SRP19: variants seen among roughly 807,000 people sequenced by gnomAD.
SRP19 encodes signal recognition particle 19.
A neutral mutation model predicts 22.4 loss-of-function variants in SRP19; 11 were observed. That is an observed-to-expected ratio of 0.49 (90% CI 0.31 to 0.81). The LOEUF is 0.81. SRP19 is among the 40% of genes least tolerant of loss of function. The pLI is 0.05. For synonymous variants in SRP19, 61 were observed against 57.6 expected (o/e 1.06, Z -0.27); for missense variants, 168 against 175.9 (o/e 0.96, Z 0.25).
At chr5:112,884,363 T>C (rs967457890) in intron 4 of SRP19, among the ~76,000 whole-genome samples, 1 of 151,982 alleles carries the variant, frequency 6.6e-6, no homozygotes, top group African/African-American at 2.4e-5. Flanking sequence ...TGATTCCCCA[T>C]GGTTCCTTCT....
At position 112,867,789 on chromosome 5, in the gene SRP19, A is replaced by G; in HGVS notation, c.*252A>G. ...GTTTTTTGGAAGAAAATATTTTTAA[A>G]TGGACAATGGACTGTACAATAAGTT... On this transcript the variant is annotated 3_prime_UTR_variant, in exon 5 of 5. Transcript: ENST00000505459. The G allele has an allele frequency of 8.4e-7, 1 of 1,185,112 alleles. No homozygotes were observed. Among genetic ancestry groups the G allele is most frequent in the Non-Finnish European group, 1.0e-6 (1 of 956,336 alleles). 73.4% of individuals were successfully genotyped at this position (1,185,112 alleles called of 1,614,324 possible).
At chr5:112,897,217 T>C (rs1768711549), downstream of SRP19, 1 of 152,142 alleles carries the variant, frequency 6.6e-6, no homozygotes, top group Non-Finnish European at 1.5e-5. Flanking sequence ...CATATATATA[T>C]ACACATACAC....
chr5:112,870,607 C>A (rs1332818067), downstream of SRP19, among the ~76,000 whole-genome samples: 1 of 152,084 alleles, frequency 6.6e-6, no homozygotes, highest in Non-Finnish European at 1.5e-5. Flanking sequence ...CTCCAAAATG[C>A]ATGTTGAAAT....
At chr5:112,891,942 TA>T (rs1164890679) in exon 5 of SRP19, 1 of 1,255,010 alleles carries the variant, frequency 8.0e-7, no homozygotes, top group Non-Finnish European at 1.2e-6. Flanking sequence ...AAGAGGCGGC[TA>T]AAAAATGGCT....
chr5:112,884,808 T>G (rs926302038), intron 4 of SRP19, among the ~76,000 whole-genome samples: 7 of 151,694 alleles, frequency 4.6e-5, no homozygotes, highest in Non-Finnish European at 7.4e-5. Flanking sequence ...CTTGCTTTAT[T>G]TTTTCCCTAT....
At position 112,867,368 on chromosome 5, in the gene SRP19, T is replaced by C. The variant is rs182551095; in HGVS notation, c.302-36T>C. The C allele has an allele frequency of 2.5e-5, 40 of 1,585,220 alleles. No homozygotes were observed. The East Asian group carries it at 7.4e-4, about 29-fold the overall frequency. Reference sequence around the variant, plus strand: ...TTGATGACTTTTTATGTCTTATTTCTCAGATTATACACTAAGCCTAACTTC... The same window carrying C: ...TTGATGACTTTTTATGTCTTATTTCCCAGATTATACACTAAGCCTAACTTC... On this transcript the variant is annotated intron_variant, in intron 4 of 4. Coordinates refer to ENST00000505459, the MANE Select transcript of SRP19 (RefSeq NM_003135.3).
At chr5:112,882,385 C>T (rs1007627648) in intron 4 of SRP19, among the ~76,000 whole-genome samples, 2 of 152,166 alleles carry the variant, frequency 1.3e-5, no homozygotes, top group Non-Finnish European at 2.9e-5. Context: ...CACCACTTCC[C>T]ACCTTACTCA....
chr5:112,893,698 A>G (rs1768579723), downstream of SRP19: 1 of 152,346 alleles, frequency 6.6e-6, no homozygotes, highest in South Asian at 2.1e-4. Context: ...TGCTACGTGC[A>G]TGAATGTGCA....
intron 2 of SRP19, among the ~76,000 whole-genome samples, chr5:112,862,928 T>G (rs754592634): frequency 3.9e-5 from 6 of 152,222 alleles, no homozygotes; most frequent in Non-Finnish European, 8.8e-5. Context: ...TTAATAATGT[T>G]CAGAATGTAG....
At chr5:112,892,840 G>A (rs757038108) in exon 5 of SRP19, 19 of 1,613,372 alleles carry the variant, frequency 1.2e-5, no homozygotes, top group Admixed American at 8.3e-5. Context: ...TGGGGAATCC[G>A]AGAGAAAAAA....
downstream of SRP19, among the ~76,000 whole-genome samples, chr5:112,872,464 G>C (rs1405500405): frequency 2.0e-5 from 3 of 151,780 alleles, no homozygotes; most frequent in Non-Finnish European, 2.9e-5. Flanking sequence ...CAGTGGCTGG[G>C]ATTACAGCCA....
chr5:112,862,668 G>C (rs1228118327), intron 2 of SRP19, 85 bp downstream of exon 2: 13 of 1,187,642 alleles, frequency 1.1e-5, no homozygotes, highest in Non-Finnish European at 1.6e-5. Context: ...TAGAGCCGCA[G>C]GGGGTTCTCT....
At chr5:112,893,341 C>T (rs1458099636), downstream of SRP19, 7 of 226,528 alleles carry the variant, frequency 3.1e-5, no homozygotes, top group Admixed American at 2.6e-4. Context: ...ATCTGGAAGG[C>T]GGAGGTTGCA....
chr5:112,893,472 T>C (rs466443), downstream of SRP19: 91,876 of 159,684 alleles, frequency 0.58, 27,315 homozygotes, highest in African/African-American at 0.68. Flanking sequence ...GACCATTCAA[T>C]CCAATGGGAT....
At chr5:112,888,472 G>C (rs933193771) in intron 4 of SRP19, among the ~76,000 whole-genome samples, 1 of 152,188 alleles carries the variant, frequency 6.6e-6, no homozygotes, top group African/African-American at 2.4e-5. Context: ...ACCCAGGCTG[G>C]AGTGCAGTGG....
chr5:112,865,357 A>G (rs2545156), intron 4 of SRP19: 68,208 of 151,962 alleles, frequency 0.45, 17,409 homozygotes, highest in East Asian at 0.66. Flanking sequence ...CATCATCTCT[A>G]GTGTTTTATT....
chr5:112,866,641 G>A (rs1452599588), intron 4 of SRP19, among the ~76,000 whole-genome samples: 3 of 152,126 alleles, frequency 2.0e-5, no homozygotes, highest in Non-Finnish European at 4.4e-5. Flanking sequence ...AAAATAGATT[G>A]TTTTTTATAT....
chr5:112,891,921 G>T, exon 5 of SRP19: 1 of 1,281,492 alleles, frequency 7.8e-7, no homozygotes, highest in Non-Finnish European at 1.1e-6. Context: ...TCAGAATAAA[G>T]AAGGAAAAGG....
intron 2 of SRP19, 152 bp downstream of exon 2, chr5:112,862,735 G>A (rs1580711835): frequency 3.0e-6 from 2 of 675,190 alleles, no homozygotes; most frequent in Non-Finnish European, 5.1e-6. Context: ...GCGTTCCTCA[G>A]TGTTGGTGAA....
Sources: gnomAD v4.1 joint callset for allele counts (sites outside exome capture counted in the v4.1 genomes callset) on GRCh38, gnomAD v4.1.1 for gene constraint, MANE v1.5 for transcripts, NCBI Gene and HGNC (gene_info 2026-07-23, HGNC 2026-07-21) for gene names.